Variants in DTNB observed in about 807,000 individuals in gnomAD.
The protein encoded by DTNB is DTN-B.
In DTNB, 63 loss-of-function variants were observed where a neutral mutation model predicts 90.7. The observed-to-expected ratio is 0.69, with a 90% CI of 0.57 to 0.86. The LOEUF (loss-of-function observed/expected upper bound fraction) is 0.86, where lower values mean the gene tolerates loss of function less well. DTNB is among the 40% of genes least tolerant of loss of function. The pLI is 0.00. For synonymous variants in DTNB, 277 were observed against 286.7 expected (o/e 0.97, Z 0.34); for missense variants, 744 against 807.1 (o/e 0.92, Z 0.95).
chr2:25,581,486 T>C (rs752510348), intron 6 of DTNB, among the ~76,000 whole-genome samples: 23 of 152,212 alleles, frequency 1.5e-4, no homozygotes, highest in Non-Finnish European at 2.6e-4. Context: ...CCCATCACAA[T>C]GCTCCTGTTA....
At chr2:25,586,515 A>G (rs2062451552) in intron 6 of DTNB, among the ~76,000 whole-genome samples, 1 of 151,746 alleles carries the variant, frequency 6.6e-6, no homozygotes, top group Non-Finnish European at 1.5e-5. Context: ...GTCTCCAAAA[A>G]AAAAAAAAAA....
chr2:25,589,296 T>G (rs2063048261), intron 6 of DTNB, among the ~76,000 whole-genome samples: 1 of 151,858 alleles, frequency 6.6e-6, no homozygotes, highest in East Asian at 1.9e-4. Context: ...TGTAAGAGTG[T>G]GTCTACTTTC....
intron 3 of DTNB, among the ~76,000 whole-genome samples, chr2:25,638,461 GA>G (rs1421409499): frequency 3.9e-5 from 6 of 152,120 alleles, no homozygotes; most frequent in African/African-American, 1.2e-4. Context: ...ACAAACACGA[GA>G]AAAGTACAAT....
chr2:25,539,076 CAATT>C (rs1309633388), intron 8 of DTNB, among the ~76,000 whole-genome samples: 2 of 152,150 alleles, frequency 1.3e-5, no homozygotes, highest in African/African-American at 4.8e-5. Context: ...GATGTAATTG[CAATT>C]CATTCATTTT....
chr2:25,557,058 C>T (rs1572548451), intron 8 of DTNB, among the ~76,000 whole-genome samples: 1 of 152,190 alleles, frequency 6.6e-6, no homozygotes, highest in Non-Finnish European at 1.5e-5. Flanking sequence ...TTCTCTGGCA[C>T]TCAAATGCAG....
chr2:25,563,049 C>T (rs907730357), intron 8 of DTNB, among the ~76,000 whole-genome samples: 3 of 152,234 alleles, frequency 2.0e-5, no homozygotes, highest in Non-Finnish European at 2.9e-5. Flanking sequence ...GGATTACAGG[C>T]ATGAGCCACC....
At chr2:25,586,363 C>A (rs2062403955) in intron 6 of DTNB, among the ~76,000 whole-genome samples, 1 of 150,972 alleles carries the variant, frequency 6.6e-6, no homozygotes, top group Non-Finnish European at 1.5e-5. Flanking sequence ...TACAAAAATT[C>A]GCCAGGTGCG....
At chr2:25,472,661 A>C (rs1242641859) in intron 10 of DTNB, among the ~76,000 whole-genome samples, 1 of 152,190 alleles carries the variant, frequency 6.6e-6, no homozygotes, top group Non-Finnish European at 1.5e-5. Flanking sequence ...AGGTAGGTAG[A>C]TCACCTGAGG....
intron 19 of DTNB, among the ~76,000 whole-genome samples, chr2:25,382,214 T>G (rs2038005561): frequency 6.6e-6 from 1 of 152,212 alleles, no homozygotes; most frequent in Non-Finnish European, 1.5e-5. Flanking sequence ...GACCAGCCAT[T>G]GCATTTCTCT....
At chr2:25,504,223 GCA>G (rs1449868698) in intron 9 of DTNB, among the ~76,000 whole-genome samples, 1 of 151,788 alleles carries the variant, frequency 6.6e-6, no homozygotes, top group Admixed American at 6.6e-5. Context: ...AGCCAAGATC[GCA>G]CCACTACACT....
intron 3 of DTNB, among the ~76,000 whole-genome samples, chr2:25,630,716 C>A (rs533528237): frequency 2.8e-4 from 42 of 151,702 alleles, no homozygotes; most frequent in African/African-American, 1.0e-3. Flanking sequence ...TGGTGGCACA[C>A]GCCTGTAATC....
chr2:25,481,761 AAAAATG>A (rs552645650), intron 10 of DTNB: 82 of 152,346 alleles, frequency 5.4e-4, no homozygotes, highest in African/African-American at 1.8e-3. Context: ...CAGCTGGAAT[AAAAATG>A]TAGCTTCTCA....
chr2:25,659,887 A>C (rs894239333), intron 1 of DTNB, among the ~76,000 whole-genome samples: 1 of 152,176 alleles, frequency 6.6e-6, no homozygotes, highest in Non-Finnish European at 1.5e-5. Context: ...AAACCCAACA[A>C]AGGCAGAAAA....
chr2:25,531,276 C>G (rs1200808885), intron 9 of DTNB, among the ~76,000 whole-genome samples, 197 bp downstream of exon 9: 1 of 152,228 alleles, frequency 6.6e-6, no homozygotes, highest in Non-Finnish European at 1.5e-5. Context: ...CTTCAGCAAT[C>G]AGGAGCTAGA....
chr2:25,378,396 G>T (rs979127436), intron 20 of DTNB, among the ~76,000 whole-genome samples: 19 of 152,222 alleles, frequency 1.2e-4, no homozygotes, highest in Non-Finnish European at 2.5e-4. Context: ...GGCTGCAGGG[G>T]CCCCGGGGGA....
chr2:25,411,665 G>A (rs568965077), intron 16 of DTNB, among the ~76,000 whole-genome samples: 7 of 152,258 alleles, frequency 4.6e-5, no homozygotes, highest in Middle Eastern at 3.4e-3. Context: ...TAGGAGGGCC[G>A]CAGTGGTGCC....
Position 25,618,877 on chromosome 2 carries a change from G to A in DTNB, c.362+9294C>T, listed in dbSNP as rs76022084. Among the ~76,000 whole-genome samples, 7 of 152,252 alleles carry A rather than the reference G, an allele frequency of 4.6e-5. No individual in the cohort carries two copies. In the East Asian group the frequency reaches 1.4e-3, roughly 29 times the overall value. ...ACTATGCATATGACTTCTAAAAAGA[G>A]TTATTATCCAACACTGAGAAAACAC... On this transcript the variant is annotated intron_variant, in intron 4 of 20. Coordinates refer to ENST00000406818, the MANE Select transcript of DTNB (RefSeq NM_021907.5).
intron 9 of DTNB, among the ~76,000 whole-genome samples, chr2:25,527,990 A>T (rs1453233509): frequency 1.3e-5 from 2 of 152,258 alleles, no homozygotes; most frequent in African/African-American, 4.8e-5. Context: ...ACTCAAAAAC[A>T]TAGCCAAAAT....
intron 2 of DTNB, among the ~76,000 whole-genome samples, chr2:25,644,650 G>A (rs2079050415): frequency 6.6e-6 from 1 of 152,132 alleles, no homozygotes; most frequent in Non-Finnish European, 1.5e-5. Flanking sequence ...CTACTCCAGA[G>A]GCTGAGACAG....
Sources: gnomAD v4.1 joint callset for allele counts (sites outside exome capture counted in the v4.1 genomes callset) on GRCh38, gnomAD v4.1.1 for gene constraint, MANE v1.5 for transcripts, NCBI Gene and HGNC (gene_info 2026-07-23, HGNC 2026-07-21) for gene names.